Variants in PRUNE2 observed in about 807,000 individuals in gnomAD.
PRUNE2 encodes the protein protein prune homolog 2.
A neutral mutation model predicts 252.0 loss-of-function variants in PRUNE2; 164 were observed. That is an observed-to-expected ratio of 0.65 (90% confidence interval 0.57 to 0.74). PRUNE2 has a LOEUF of 0.74. Among genes scored for constraint, PRUNE2 ranks in the 30% least tolerant of loss-of-function variants. The pLI is 0.00. For synonymous variants in PRUNE2, 1,292 were observed against 1,350.2 expected (o/e 0.96, Z 0.94); for missense variants, 3,495 against 3,711.0 (o/e 0.94, Z 1.51).
rs1442730424 is a variant in PRUNE2, at chr9:76,850,637, G to A, written c.170C>T (p.Pro57Leu). The change falls in exon 3 of 19, where the codon CCA becomes CTA. Residue 57 changes from proline to leucine, a missense_variant. Transcript: ENST00000376718. ...KVSPPGVLCLPVLNIPRTEFN... is the reference protein window; with the variant it reads ...KVSPPGVLCLLVLNIPRTEFN... ...TTCAGTTCTTGGTATGTTCAGCACT[G>A]GTAAACACAGAACCCCTGGTGGACT... 10 of 1,613,314 alleles carry A rather than the reference G, an allele frequency of 6.2e-6. No homozygotes were observed. The highest frequency in any genetic ancestry group is 6.8e-6 in the Non-Finnish European group (8 of 1,179,662).
At chr9:76,716,810 GC>G (rs943090885) in intron 6 of PRUNE2, among the ~76,000 whole-genome samples, 1 of 138,566 alleles carries the variant, frequency 7.2e-6, no homozygotes, top group African/African-American at 2.8e-5. Context: ...CCCTCCCCTC[GC>G]CCCCCAACCC....
At chr9:76,780,994 T>A (rs1302485027) in intron 6 of PRUNE2, among the ~76,000 whole-genome samples, 1 of 152,154 alleles carries the variant, frequency 6.6e-6, no homozygotes, top group Admixed American at 6.5e-5. Context: ...TCCATGACAT[T>A]TTTTCCTCCC....
chr9:76,649,636 A>AGATAGATAGAT (rs1167985169), intron 11 of PRUNE2, among the ~76,000 whole-genome samples: 283 of 152,160 alleles, frequency 1.9e-3, no homozygotes, highest in Non-Finnish European at 1.9e-3. Flanking sequence ...ATAGATAGAT[A>AGATAGATAGAT]GATAGATAGA....
intron 4 of PRUNE2, among the ~76,000 whole-genome samples, chr9:76,831,092 G>C (rs2058647479): frequency 1.3e-5 from 2 of 152,034 alleles, no homozygotes; most frequent in Non-Finnish European, 2.9e-5. Flanking sequence ...ACCACGCCCA[G>C]CTAATTTTTT....
intron 1 of PRUNE2, among the ~76,000 whole-genome samples, chr9:76,860,710 C>T (rs1164795220): frequency 6.6e-6 from 1 of 152,202 alleles, no homozygotes; most frequent in Non-Finnish European, 1.5e-5. Flanking sequence ...GTTGGAGATT[C>T]ACTTTCCACA....
chr9:76,800,545 T>G (rs147186452), intron 6 of PRUNE2, among the ~76,000 whole-genome samples: 1 of 152,264 alleles, frequency 6.6e-6, no homozygotes, highest in Non-Finnish European at 1.5e-5. Flanking sequence ...TTTCCAACTC[T>G]TCTTTTTCAC....
intron 6 of PRUNE2, among the ~76,000 whole-genome samples, chr9:76,817,105 T>C (rs190352184): frequency 2.3e-3 from 349 of 151,980 alleles, no homozygotes; most frequent in Non-Finnish European, 3.3e-3. Context: ...GTACAAAGAG[T>C]AGGGAAAGAA....
At chr9:76,641,012 A>C (rs1309414164) in intron 12 of PRUNE2, among the ~76,000 whole-genome samples, 1 of 152,204 alleles carries the variant, frequency 6.6e-6, no homozygotes, top group Non-Finnish European at 1.5e-5. Context: ...ACTGAGGTTT[A>C]TAAACAGTAC....
chr9:76,864,030 T>C (rs1260923083), intron 1 of PRUNE2, among the ~76,000 whole-genome samples: 1 of 152,066 alleles, frequency 6.6e-6, no homozygotes, highest in Non-Finnish European at 1.5e-5. Flanking sequence ...AGCAAAGGCA[T>C]GGAATCAATC....
chr9:76,905,846 T>A, intron 1 of PRUNE2, 82 bp downstream of exon 1: 1 of 1,573,018 alleles, frequency 6.4e-7, no homozygotes, highest in Non-Finnish European at 8.7e-7. Context: ...TTCTTCCTCC[T>A]CTGCTGCAAC....
rs370012419 is a variant in PRUNE2, at chr9:76,702,122, C to T, written c.8276+1215G>A. On this transcript the variant is annotated intron_variant, in intron 9 of 18. Coordinates refer to ENST00000376718, the MANE Select transcript of PRUNE2 (RefSeq NM_015225.3). ...TCACTCAGGCTGGAGTGCAGTCACACGATCTCGGCTCACTGCAACCTCCAC... is the reference window on the plus strand; with the variant it reads ...TCACTCAGGCTGGAGTGCAGTCACATGATCTCGGCTCACTGCAACCTCCAC... Among the ~76,000 whole-genome samples, 13 of 151,552 alleles carry T rather than the reference C, an allele frequency of 8.6e-5. No homozygotes were observed. The East Asian group carries it at 1.9e-3, about 23-fold the overall frequency.
At chr9:76,620,435 C>T (rs1450629914) in intron 17 of PRUNE2, among the ~76,000 whole-genome samples, 6 of 152,092 alleles carry the variant, frequency 3.9e-5, no homozygotes, top group Non-Finnish European at 8.8e-5. Context: ...GCCACTGTGC[C>T]CGGCCTCCCA....
At chr9:76,678,300 G>A (rs1233831735) in intron 9 of PRUNE2, among the ~76,000 whole-genome samples, 2 of 132,800 alleles carry the variant, frequency 1.5e-5, no homozygotes, top group East Asian at 2.4e-4. Context: ...GCAGTGAGCC[G>A]AGATGGTGCC....
intron 4 of PRUNE2, among the ~76,000 whole-genome samples, chr9:76,827,732 G>C (rs1281152285): frequency 6.6e-6 from 1 of 152,162 alleles, no homozygotes; most frequent in Non-Finnish European, 1.5e-5. Context: ...GAGACCTACA[G>C]AACCTAGAGA....
chr9:76,726,530 T>G (rs1293367777), intron 6 of PRUNE2, among the ~76,000 whole-genome samples: 6 of 152,206 alleles, frequency 3.9e-5, no homozygotes, highest in Admixed American at 3.9e-4. Context: ...AGTGAGACAA[T>G]TTAGTTAACT....
chr9:76,833,038 T>C (rs1258174644), intron 4 of PRUNE2, among the ~76,000 whole-genome samples: 2 of 152,076 alleles, frequency 1.3e-5, no homozygotes, highest in Non-Finnish European at 2.9e-5. Context: ...AGTCCATAAT[T>C]CCAAATATTT....
intron 11 of PRUNE2, 34 bp from the exon 12 acceptor site, chr9:76,644,943 GAGC>G (rs768437668): frequency 1.8e-5 from 29 of 1,595,776 alleles, no homozygotes; most frequent in Non-Finnish European, 2.3e-5. Context: ...AAGGCTGAAG[GAGC>G]AAGACCTCCA....
intron 1 of PRUNE2, among the ~76,000 whole-genome samples, chr9:76,884,553 C>CT (rs908747863): frequency 1.1e-4 from 16 of 152,294 alleles, no homozygotes; most frequent in African/African-American, 3.6e-4. Flanking sequence ...AAACCAAGGA[C>CT]TTTATGTGCA....
intron 18 of PRUNE2, among the ~76,000 whole-genome samples, chr9:76,617,756 C>G (rs995019796): frequency 9.9e-5 from 15 of 152,170 alleles, no homozygotes; most frequent in Non-Finnish European, 5.9e-5. Flanking sequence ...CCCAACCAAA[C>G]AGCCCTACGT....
Sources: allele counts gnomAD v4.1 joint callset (sites outside exome capture counted in the v4.1 genomes callset), GRCh38; gene constraint gnomAD v4.1.1; transcripts MANE v1.5; gene names NCBI Gene and HGNC (gene_info 2026-07-23, HGNC 2026-07-21).